VWA3B: variants seen among roughly 807,000 people sequenced by gnomAD.
VWA3B encodes the protein von Willebrand factor A domain containing 3B, also known as von Willebrand factor A domain-containing protein 3B.
VWA3B carries 138 observed loss-of-function variants against 158.3 expected under a neutral mutation model. That is an observed-to-expected ratio of 0.87 (90% CI 0.76 to 1.00). The LOEUF is 1.00. Among genes scored for constraint, VWA3B ranks in the 50% least tolerant of loss-of-function variants. The pLI is 0.00. For synonymous variants in VWA3B, 596 were observed against 587.3 expected (o/e 1.01, Z -0.21); for missense variants, 1,555 against 1,565.1 (o/e 0.99, Z 0.11).
chr2:98,101,957 A>G (rs754662630), intron 2 of VWA3B, among the ~76,000 whole-genome samples: 9 of 151,276 alleles, frequency 5.9e-5, no homozygotes, highest in Non-Finnish European at 1.2e-4. Flanking sequence ...GATAGTGGAG[A>G]GAAGGTCAGC....
rs1474787610 is a variant in VWA3B at position 98,115,708 on chromosome 2, C to A, written c.253C>A (p.Pro85Thr). 2 of 1,613,504 alleles carry A rather than the reference C, an allele frequency of 1.2e-6. No homozygotes were observed. Among genetic ancestry groups the A allele is most frequent in the Non-Finnish European group, 1.7e-6 (2 of 1,180,014 alleles). ...VASRYADGLF[P>T]QLYRAEDGRV... ...TTCTCGGTATGCTGATGGTCTGTTT[C>A]CACAGCTCTACAGAGCAGAAGATGG... Residue 85 changes from proline to threonine, a missense_variant, in exon 3 of 28, where the codon CCA becomes ACA. Transcript: ENST00000477737.
chr2:98,277,350 G>A (rs911825376), intron 22 of VWA3B, among the ~76,000 whole-genome samples: 7 of 152,176 alleles, frequency 4.6e-5, no homozygotes, highest in Admixed American at 6.5e-5. Context: ...GGAAGTTGCC[G>A]GAGGGCATCT....
chr2:98,147,085 A>G (rs1046029990), intron 7 of VWA3B, among the ~76,000 whole-genome samples: 2 of 152,248 alleles, frequency 1.3e-5, no homozygotes, highest in African/African-American at 2.4e-5. Context: ...AAAGCATGAT[A>G]TACAATTGTG....
chr2:98,121,627 A>G (rs1238009443), intron 5 of VWA3B, among the ~76,000 whole-genome samples, 169 bp downstream of exon 5: 2 of 152,104 alleles, frequency 1.3e-5, no homozygotes, highest in South Asian at 2.1e-4. Context: ...GAACAACCCA[A>G]ATGAGGCCCC....
chr2:98,294,887 G>A (rs970488895), intron 23 of VWA3B, among the ~76,000 whole-genome samples: 5 of 152,124 alleles, frequency 3.3e-5, no homozygotes, highest in Non-Finnish European at 7.4e-5. Flanking sequence ...TTCTCCAACG[G>A]GATTTAAAAC....
chr2:98,310,465 C>G (rs950540517), intron 26 of VWA3B, among the ~76,000 whole-genome samples: 1 of 152,168 alleles, frequency 6.6e-6, no homozygotes, highest in African/African-American at 2.4e-5. Flanking sequence ...CTCACATCCG[C>G]TTCTTGTCGC....
intron 20 of VWA3B, 80 bp from the exon 21 acceptor site, chr2:98,256,044 A>G: frequency 1.3e-6 from 2 of 1,519,030 alleles, no homozygotes; most frequent in Admixed American, 1.8e-5. Flanking sequence ...ATGGGCTCCC[A>G]CTGCGGTGCC....
At chr2:98,325,773 T>C in the VWA3B span, among the ~76,000 whole-genome samples, 2 of 152,218 alleles carry the variant, frequency 1.3e-5, no homozygotes, top group Non-Finnish European at 2.9e-5. Flanking sequence ...TATATAGTTG[T>C]AGATTTTAAC....
intron 8 of VWA3B, 43 bp downstream of exon 8, chr2:98,163,019 G>A: frequency 6.2e-7 from 1 of 1,607,604 alleles, no homozygotes; most frequent in Non-Finnish European, 8.5e-7. Flanking sequence ...ATTCATAAAT[G>A]TTACTAGCTG....
chr2:98,221,378 A>G (rs1280010504), intron 14 of VWA3B, among the ~76,000 whole-genome samples: 1 of 152,162 alleles, frequency 6.6e-6, no homozygotes, highest in Non-Finnish European at 1.5e-5. Context: ...TTTTGGCAAT[A>G]TCTGTCCTGC....
intron 12 of VWA3B, among the ~76,000 whole-genome samples, chr2:98,202,465 C>G (rs1232809465): frequency 6.6e-6 from 1 of 151,154 alleles, no homozygotes; most frequent in Non-Finnish European, 1.5e-5. Context: ...CTTTTTGTTT[C>G]TTTGATTTTC....
the VWA3B span, among the ~76,000 whole-genome samples, chr2:98,329,094 CT>C: frequency 6.6e-6 from 1 of 152,144 alleles, no homozygotes; most frequent in Admixed American, 6.5e-5. Context: ...CAGAGAAAGT[CT>C]TTTCAACAAA....
chr2:98,119,907 A>T, intron 4 of VWA3B, 144 bp downstream of exon 4: 1 of 1,070,246 alleles, frequency 9.3e-7, no homozygotes, highest in Non-Finnish European at 1.3e-6. Context: ...ATGTAATTTC[A>T]GCAGCAATCC....
intron 8 of VWA3B, among the ~76,000 whole-genome samples, chr2:98,164,035 G>GAGCT (rs1368657124): frequency 6.6e-6 from 1 of 152,212 alleles, no homozygotes; most frequent in African/African-American, 2.4e-5. Context: ...AGGAGCAGGA[G>GAGCT]AGCTCAGTGA....
intron 1 of VWA3B, among the ~76,000 whole-genome samples, chr2:98,089,005 T>C (rs1174842297): frequency 6.6e-6 from 1 of 152,068 alleles, no homozygotes; most frequent in Non-Finnish European, 1.5e-5. Flanking sequence ...CCGCCCGCCT[T>C]GGCCTCCCAA....
intron 10 of VWA3B, 64 bp downstream of exon 10, chr2:98,188,193 T>C (rs531162344): frequency 1.9e-6 from 3 of 1,549,204 alleles, no homozygotes; most frequent in African/African-American, 2.7e-5. Flanking sequence ...ATCTGCTTGA[T>C]CTTTTTTCCT....
intron 2 of VWA3B, among the ~76,000 whole-genome samples, chr2:98,114,979 C>T (rs970547556): frequency 5.9e-5 from 9 of 152,104 alleles, no homozygotes; most frequent in Admixed American, 2.0e-4. Context: ...AATCTGTGAC[C>T]GGCTGGCTTT....
At chr2:98,143,291 G>A (rs1230395534) in intron 7 of VWA3B, among the ~76,000 whole-genome samples, 6 of 152,086 alleles carry the variant, frequency 3.9e-5, no homozygotes, top group African/African-American at 9.7e-5. Flanking sequence ...CACCAGCCTC[G>A]GCCTCCCAAA....
At chr2:98,268,858 T>C (rs1688028147) in intron 21 of VWA3B, among the ~76,000 whole-genome samples, 1 of 152,084 alleles carries the variant, frequency 6.6e-6, no homozygotes, top group South Asian at 2.1e-4. Flanking sequence ...AGTCAAATGG[T>C]TTAAAGTAAT....
Sources: gnomAD v4.1 joint callset for allele counts (sites outside exome capture counted in the v4.1 genomes callset) on GRCh38, gnomAD v4.1.1 for gene constraint, MANE v1.5 for transcripts, NCBI Gene and HGNC (gene_info 2026-07-23, HGNC 2026-07-21) for gene names.